CLEC16A: variants seen among roughly 807,000 people sequenced by gnomAD.
CLEC16A encodes protein CLEC16A.
In CLEC16A, 51 loss-of-function variants were observed where a neutral mutation model predicts 109.5. That is an observed-to-expected ratio of 0.47 (90% confidence interval 0.37 to 0.59). The LOEUF (loss-of-function observed/expected upper bound fraction) is 0.59, where lower values mean the gene tolerates loss of function less well. CLEC16A is among the 20% of genes least tolerant of loss of function. The pLI is 0.00. For missense variants in CLEC16A, 1,339 were observed against 1,394.0 expected, an observed-to-expected ratio of 0.96 and a Z score of 0.63; for synonymous variants, 673 against 564.2, an observed-to-expected ratio of 1.19 and a Z score of -2.73.
intron 11 of CLEC16A, among the ~76,000 whole-genome samples, chr16:11,018,967 A>G (rs750815759): frequency 3.3e-5 from 5 of 152,104 alleles, no homozygotes; most frequent in Non-Finnish European, 5.9e-5. Context: ...TTTCATTAAA[A>G]TCACTTGGGT....
At chr16:11,177,098 C>T (rs948991879) in intron 23 of CLEC16A, among the ~76,000 whole-genome samples, 2 of 152,214 alleles carry the variant, frequency 1.3e-5, no homozygotes, top group African/African-American at 4.8e-5. Context: ...ATCGTCAGCA[C>T]CTCCCGCCAT....
intron 12 of CLEC16A, 192 bp from the exon 13 acceptor site, chr16:11,024,629 G>A (rs1001076196): frequency 1.1e-5 from 6 of 534,558 alleles, no homozygotes; most frequent in Non-Finnish European, 2.0e-5. Flanking sequence ...GTTCCCCTCT[G>A]GATAGCGGCT....
At chr16:11,073,463 A>G (rs2049180408) in intron 19 of CLEC16A, among the ~76,000 whole-genome samples, 1 of 152,012 alleles carries the variant, frequency 6.6e-6, no homozygotes. Context: ...ACCCCAGCCC[A>G]TGGCCTTGCG....
intron 19 of CLEC16A, among the ~76,000 whole-genome samples, chr16:11,113,263 C>A (rs1483714799): frequency 1.3e-5 from 2 of 152,232 alleles, no homozygotes; most frequent in African/African-American, 4.8e-5. Context: ...CTGGCTGGGC[C>A]TCATAAAGAC....
intron 18 of CLEC16A, among the ~76,000 whole-genome samples, chr16:11,052,186 G>T (rs1450341867): frequency 6.6e-6 from 1 of 152,084 alleles, no homozygotes; most frequent in Non-Finnish European, 1.5e-5. Flanking sequence ...TCCGAAGCAG[G>T]TACTCTAGGA....
chr16:11,133,534 C>T (rs2053370853), intron 22 of CLEC16A, among the ~76,000 whole-genome samples: 1 of 152,002 alleles, frequency 6.6e-6, no homozygotes, highest in South Asian at 2.1e-4. Flanking sequence ...AGGAAGAATG[C>T]AGAAATGACA....
chr16:11,145,782 T>C (rs1048169239), intron 22 of CLEC16A, among the ~76,000 whole-genome samples: 1 of 152,262 alleles, frequency 6.6e-6, no homozygotes, highest in South Asian at 2.1e-4. Context: ...CTCCTTGCCC[T>C]CTATGGTCCA....
chr16:11,168,972 T>C (rs1393931425), intron 23 of CLEC16A, among the ~76,000 whole-genome samples: 1 of 152,228 alleles, frequency 6.6e-6, no homozygotes, highest in East Asian at 1.9e-4. Flanking sequence ...CTGGCCCTGA[T>C]CCACCAGAGA....
At chr16:11,121,795 G>A (rs977707348) in intron 20 of CLEC16A, among the ~76,000 whole-genome samples, 14 of 144,692 alleles carry the variant, frequency 9.7e-5, no homozygotes, top group South Asian at 4.4e-4. Flanking sequence ...CACGAGAATC[G>A]CTTGAACCCA....
At chr16:11,098,421 G>A (rs2050727499) in intron 19 of CLEC16A, among the ~76,000 whole-genome samples, 1 of 152,242 alleles carries the variant, frequency 6.6e-6, no homozygotes, top group South Asian at 2.1e-4. Context: ...AGCCTGTTTA[G>A]TGTTGCTGCT....
chr16:10,956,561 G>A (rs2041996799), intron 1 of CLEC16A, among the ~76,000 whole-genome samples: 1 of 152,176 alleles, frequency 6.6e-6, no homozygotes, highest in Admixed American at 6.5e-5. Context: ...GTTACCTGGG[G>A]CTGTGGGCCC....
chr16:10,999,163 C>T lies in CLEC16A; in HGVS notation c.1072-3911C>T, dbSNP rs930145123. Among the ~76,000 whole-genome samples the T allele has an allele frequency of 2.8e-4, 43 of 152,150 alleles. 1 individual carries two copies. Among genetic ancestry groups the T allele is most frequent in the Non-Finnish European group, 8.8e-5 (6 of 68,028 alleles). ...TGTGGCCCCGGCTGGTCTTGAACTA[C>T]TGGGCTCAAGGAATCCTCCCATCTC... On this transcript the variant is annotated intron_variant, in intron 10 of 23. Coordinates refer to ENST00000409790, the MANE Select transcript of CLEC16A (RefSeq NM_015226.3).
chr16:11,110,613 A>T (rs188812052), intron 19 of CLEC16A, among the ~76,000 whole-genome samples: 24 of 152,252 alleles, frequency 1.6e-4, no homozygotes, highest in African/African-American at 5.5e-4. Context: ...CAGAAATGTC[A>T]TGGCACTTCC....
intron 20 of CLEC16A, among the ~76,000 whole-genome samples, chr16:11,123,024 C>G (rs2052548088): frequency 6.7e-6 from 1 of 150,262 alleles, no homozygotes; most frequent in Non-Finnish European, 1.5e-5. Context: ...CTGCCTTAGC[C>G]TCCTGAGTAG....
chr16:11,125,602 T>C (rs1297820119), intron 21 of CLEC16A, among the ~76,000 whole-genome samples: 1 of 152,238 alleles, frequency 6.6e-6, no homozygotes, highest in Admixed American at 6.5e-5. Flanking sequence ...GTGAACTCTC[T>C]GGGCAGACTC....
At chr16:11,122,675 CCCCA>C (rs1567351224) in intron 20 of CLEC16A, among the ~76,000 whole-genome samples, 1 of 152,158 alleles carries the variant, frequency 6.6e-6, no homozygotes, top group African/African-American at 2.4e-5. Flanking sequence ...CCAATGTTGT[CCCCA>C]CCTCCTTTAA....
intron 19 of CLEC16A, among the ~76,000 whole-genome samples, chr16:11,084,803 C>T (rs1359952140): frequency 6.6e-6 from 1 of 152,196 alleles, no homozygotes; most frequent in Admixed American, 6.5e-5. Flanking sequence ...AAAAAGCCTG[C>T]CCTTGTTCAG....
At chr16:11,065,293 A>G (rs564196738) in intron 19 of CLEC16A, among the ~76,000 whole-genome samples, 3 of 152,286 alleles carry the variant, frequency 2.0e-5, no homozygotes, top group South Asian at 4.2e-4. Context: ...CCAAAGAGAC[A>G]CCTGGCAACC....
chr16:11,110,308 A>G (rs947380134), intron 19 of CLEC16A, among the ~76,000 whole-genome samples: 3 of 152,186 alleles, frequency 2.0e-5, no homozygotes, highest in Non-Finnish European at 4.4e-5. Flanking sequence ...TACAGTCTGG[A>G]CAGGGATGCT....
Sources: gnomAD v4.1 joint callset for allele counts (sites outside exome capture counted in the v4.1 genomes callset) on GRCh38, gnomAD v4.1.1 for gene constraint, MANE v1.5 for transcripts, NCBI Gene and HGNC (gene_info 2026-07-23, HGNC 2026-07-21) for gene names.